Variants in GPHN observed in about 807,000 individuals in gnomAD.
GPHN encodes the protein gephyrin.
A neutral mutation model predicts 95.5 loss-of-function variants in GPHN; 17 were observed. The ratio of observed to expected loss-of-function variants is 0.18; its 90% confidence interval spans 0.12 to 0.27. GPHN has a LOEUF of 0.27. Among genes scored for constraint, GPHN ranks in the 10% least tolerant of loss-of-function variants. GPHN has a pLI of 1.00. For missense variants in GPHN, 660 were observed against 978.1 expected, an observed-to-expected ratio of 0.67 and a Z score of 4.34; for synonymous variants, 320 against 322.5, an observed-to-expected ratio of 0.99 and a Z score of 0.08.
At chr14:67,119,311 T>C in intron 16 of GPHN, among the ~76,000 whole-genome samples, 1 of 152,220 alleles carries the variant, frequency 6.6e-6, no homozygotes, top group African/African-American at 2.4e-5. Flanking sequence ...AGGAAATAGT[T>C]TGTAGGCAAG....
At chr14:66,921,440 G>A (rs1434622123) in intron 6 of GPHN, among the ~76,000 whole-genome samples, 2 of 149,694 alleles carry the variant, frequency 1.3e-5, no homozygotes, top group Non-Finnish European at 3.0e-5. Context: ...TTTTTGATGG[G>A]ATTGTTTTTT....
chr14:66,842,728 C>T, intron 4 of GPHN: 7 of 1,514,298 alleles, frequency 4.6e-6, no homozygotes, highest in Admixed American at 2.0e-5. Flanking sequence ...TAAGCGAAGA[C>T]TTCAATCCCA....
At chr14:66,725,342 T>A (rs531892882) in intron 2 of GPHN, among the ~76,000 whole-genome samples, 4 of 152,334 alleles carry the variant, frequency 2.6e-5, no homozygotes, top group African/African-American at 9.6e-5. Flanking sequence ...TTGATATAGA[T>A]AGGTCTTTAT....
chr14:66,600,315 C>A (rs1218598417), intron 1 of GPHN, among the ~76,000 whole-genome samples: 1 of 152,020 alleles, frequency 6.6e-6, no homozygotes, highest in African/African-American at 2.4e-5. Flanking sequence ...GTGCTATTAA[C>A]AATAAAATTG....
At chr14:67,595,990 C>G in the GPHN span, among the ~76,000 whole-genome samples, 1 of 152,136 alleles carries the variant, frequency 6.6e-6, no homozygotes, top group South Asian at 2.1e-4. Context: ...GTTAAGGGCT[C>G]AAAAAATGGT....
At chr14:67,592,831 G>A in the GPHN span, 1 of 702,646 alleles carries the variant, frequency 1.4e-6, no homozygotes, top group African/African-American at 1.8e-5. Context: ...TGTTGCCCAA[G>A]CTGCAGTGCA....
At chr14:66,919,965 G>A (rs764209502) in intron 6 of GPHN, among the ~76,000 whole-genome samples, 3 of 152,160 alleles carry the variant, frequency 2.0e-5, no homozygotes, top group African/African-American at 7.2e-5. Context: ...TACTCAGGAC[G>A]CTGAGGCAGA....
In GPHN at chr14:67,181,438, T is replaced by G. The variant is rs1390021151; in HGVS notation, c.*501T>G. The G allele has an allele frequency of 2.0e-6, 1 of 510,576 alleles. No individual in the cohort carries two copies. The highest frequency in any genetic ancestry group is 1.9e-5 in the African/African-American group (1 of 52,274). 31.6% of individuals were successfully genotyped at this position (510,576 alleles called of 1,614,324 possible). A position where few individuals can be genotyped will look rare whatever the true frequency, so the allele number is the denominator to read the frequency against. On this transcript the variant is annotated 3_prime_UTR_variant, in exon 23 of 23. Transcript: ENST00000478722. ...TGCACAGTGCCAAAAGAAGACTGAC[T>G]GGGTGGAGGCTCTGCCTTGCCTCAA...
chr14:66,517,082 T>C lies in GPHN; in HGVS notation c.64+8491T>C, dbSNP rs559524288. Among the ~76,000 whole-genome samples the C allele has an allele frequency of 4.5e-5, 6 of 133,530 alleles. No individual in the cohort carries two copies. The South Asian group carries it at 9.2e-4, about 21-fold the overall frequency. The allele number at this position is 133,530 out of a possible 152,430, so 87.6% of individuals were successfully genotyped here. A position where few individuals can be genotyped will look rare whatever the true frequency, so the allele number is the denominator to read the frequency against. ...GGCAGAGATTGTAGTGAGCCAAGAC[T>C]GTGCCACTGTACTCCAGCCTGGCCA... On this transcript the variant is annotated intron_variant, in intron 1 of 22. Transcript: ENST00000478722.
intron 2 of GPHN, among the ~76,000 whole-genome samples, chr14:66,762,343 T>C (rs1042590087): frequency 1.3e-5 from 2 of 152,176 alleles, no homozygotes; most frequent in African/African-American, 4.8e-5. Flanking sequence ...TCTTTAAGAA[T>C]TATGTAAGGC....
chr14:67,125,171 G>A (rs189983210), intron 17 of GPHN, among the ~76,000 whole-genome samples: 4 of 152,176 alleles, frequency 2.6e-5, no homozygotes, highest in East Asian at 3.9e-4. Flanking sequence ...TAGTCTTAGA[G>A]TGCTATATTG....
chr14:66,635,695 C>A (rs760394570), intron 1 of GPHN, among the ~76,000 whole-genome samples: 8 of 152,116 alleles, frequency 5.3e-5, no homozygotes, highest in Admixed American at 2.6e-4. Flanking sequence ...CTTCTTATTT[C>A]TTATCAGCAA....
At chr14:67,036,079 A>G (rs2153633252) in intron 10 of GPHN, among the ~76,000 whole-genome samples, 1 of 152,098 alleles carries the variant, frequency 6.6e-6, no homozygotes, top group East Asian at 1.9e-4. Flanking sequence ...ATGCATGAAA[A>G]TCAATAAATG....
chr14:67,180,414 G>C (rs985906510), intron 22 of GPHN, among the ~76,000 whole-genome samples: 1 of 152,174 alleles, frequency 6.6e-6, no homozygotes, highest in African/African-American at 2.4e-5. Context: ...TTTAAGTAAA[G>C]TGCCTAGTAC....
At chr14:66,892,264 T>C (rs564693864) in intron 5 of GPHN, among the ~76,000 whole-genome samples, 1 of 152,046 alleles carries the variant, frequency 6.6e-6, no homozygotes, top group South Asian at 2.1e-4. Flanking sequence ...ACAAAACTTG[T>C]TTAAAAAAAT....
At chr14:67,575,708 C>T in the GPHN span, 25 of 812,886 alleles carry the variant, frequency 3.1e-5, no homozygotes, top group East Asian at 4.3e-4. Context: ...ACCTCCCCAT[C>T]CTGTCATCGG....
At chr14:67,264,801 C>T in the GPHN span, among the ~76,000 whole-genome samples, 3 of 152,206 alleles carry the variant, frequency 2.0e-5, no homozygotes, top group East Asian at 5.8e-4. Flanking sequence ...CTTTCAGTTA[C>T]AGATGTGTTA....
chr14:66,652,036 A>G (rs2065068218), intron 1 of GPHN, among the ~76,000 whole-genome samples: 1 of 152,130 alleles, frequency 6.6e-6, no homozygotes, highest in Non-Finnish European at 1.5e-5. Flanking sequence ...CCATGAAACT[A>G]GTCCCTGGCG....
intron 11 of GPHN, among the ~76,000 whole-genome samples, chr14:67,077,814 G>A (rs943930381): frequency 6.6e-6 from 1 of 152,094 alleles, no homozygotes; most frequent in African/African-American, 2.4e-5. Flanking sequence ...GACTGCCACT[G>A]TTATCTTGCA....
Sources: gnomAD v4.1 joint callset for allele counts (sites outside exome capture counted in the v4.1 genomes callset) on GRCh38, gnomAD v4.1.1 for gene constraint, MANE v1.5 for transcripts, NCBI Gene and HGNC (gene_info 2026-07-23, HGNC 2026-07-21) for gene names.